Variants in ZNF609 observed in about 807,000 individuals in gnomAD.
ZNF609 encodes the protein zinc finger protein 609.
A neutral mutation model predicts 109.5 loss-of-function variants in ZNF609; 11 were observed. The ratio of observed to expected loss-of-function variants is 0.10; its 90% CI spans 0.06 to 0.17. The LOEUF is 0.17. Among genes scored for constraint, ZNF609 ranks in the 10% least tolerant of loss-of-function variants. ZNF609 has a pLI of 1.00. For synonymous variants in ZNF609, 646 were observed against 662.0 expected, an observed-to-expected ratio of 0.98 and a Z score of 0.37; for missense variants, 1,559 against 1,772.4, an observed-to-expected ratio of 0.88 and a Z score of 2.16.
At position 64,590,000 on chromosome 15, in the gene ZNF609, CATT is replaced by C. The variant is rs572941011; in HGVS notation, c.748-32823_748-32821del. On this transcript the variant is annotated intron_variant, in intron 2 of 9. Coordinates refer to ENST00000326648, the MANE Select transcript of ZNF609 (RefSeq NM_015042.2). ...ATACTTGTTGTGATTAAAGCTAAAA[CATT>C]ATTCAAGTTTGCTAGAAAGTTGAAG... Among the ~76,000 whole-genome samples the C allele has an allele frequency of 7.2e-5, 11 of 152,224 alleles. No individual in the cohort carries two copies. In the South Asian group the frequency reaches 2.3e-3, roughly 32 times the overall value.
At chr15:64,533,445 G>C (rs1894092128) in intron 2 of ZNF609, among the ~76,000 whole-genome samples, 1 of 152,160 alleles carries the variant, frequency 6.6e-6, no homozygotes. Flanking sequence ...AGCTTTTAGG[G>C]GAAGATTCTG....
At chr15:64,500,831 T>C (rs537292681) in intron 2 of ZNF609, 134 of 175,528 alleles carry the variant, frequency 7.6e-4, no homozygotes, top group Middle Eastern at 2.7e-3. Context: ...ATGCCAGGTA[T>C]CTCCCACAAC....
At chr15:64,579,409 CAA>C (rs772818773) in intron 2 of ZNF609, among the ~76,000 whole-genome samples, 65 of 79,804 alleles carry the variant, frequency 8.1e-4, no homozygotes, top group Admixed American at 1.0e-3. Flanking sequence ...GACCCTGTCT[CAA>C]AAAAAAAAAA....
intron 3 of ZNF609, among the ~76,000 whole-genome samples, chr15:64,660,858 TA>T (rs1896564971): frequency 1.3e-5 from 2 of 152,224 alleles, no homozygotes; most frequent in Non-Finnish European, 2.9e-5. Flanking sequence ...GAAGGCTTTT[TA>T]AAATTGCCCT....
intron 3 of ZNF609, among the ~76,000 whole-genome samples, chr15:64,642,459 A>T (rs549178903): frequency 6.6e-6 from 1 of 152,254 alleles, no homozygotes; most frequent in African/African-American, 2.4e-5. Context: ...TGCTGAGATT[A>T]CAGGTGTGAG....
rs147684764 is a variant in ZNF609 at position 64,487,893 on chromosome 15, C to G, written c.-127-11400C>G. 7.9e-3 allele frequency among the ~76,000 whole-genome samples: 1,208 copies of G among 152,260 alleles called. 17 individuals carry two copies. The highest frequency in any genetic ancestry group is 0.028 in the African/African-American group (1,153 of 41,546). The stretch of plus-strand genomic sequence containing the variant: ...TTGTGATCCACCCACCTTGGCCTCC[C>G]AAAGTGCTGGGATTACAGGCGTGAA... On this transcript the variant is annotated intron_variant, in intron 1 of 9. Coordinates refer to ENST00000326648, the MANE Select transcript of ZNF609 (RefSeq NM_015042.2).
intron 1 of ZNF609, among the ~76,000 whole-genome samples, chr15:64,497,172 A>G (rs931561277): frequency 1.3e-5 from 2 of 152,108 alleles, no homozygotes; most frequent in East Asian, 3.9e-4. Flanking sequence ...AACTTTTTTC[A>G]TAGTTTGTAC....
chr15:64,616,987 T>C (rs1895809956), intron 2 of ZNF609, among the ~76,000 whole-genome samples: 1 of 151,412 alleles, frequency 6.6e-6, no homozygotes, highest in African/African-American at 2.4e-5. Flanking sequence ...TTTTTATTTT[T>C]AGTAGAGATG....
chr15:64,628,606 C>T (rs1217796359), intron 3 of ZNF609, among the ~76,000 whole-genome samples: 3 of 152,006 alleles, frequency 2.0e-5, no homozygotes, highest in Admixed American at 1.3e-4. Context: ...AGAGAATATG[C>T]GGCTGTCTGT....
intron 3 of ZNF609, among the ~76,000 whole-genome samples, chr15:64,657,546 G>A (rs904262165): frequency 9.9e-5 from 15 of 152,126 alleles, no homozygotes; most frequent in African/African-American, 2.9e-4. Context: ...CCCCGTAGAC[G>A]GAGGTTGCAG....
chr15:64,547,050 A>G (rs908739840), intron 2 of ZNF609, among the ~76,000 whole-genome samples: 1 of 152,024 alleles, frequency 6.6e-6, no homozygotes, highest in Non-Finnish European at 1.5e-5. Context: ...TCGGCCTCCC[A>G]AAGTGCTGGG....
At chr15:64,463,678 C>T (rs1892974584) in intron 1 of ZNF609, among the ~76,000 whole-genome samples, 1 of 152,180 alleles carries the variant, frequency 6.6e-6, no homozygotes, top group Admixed American at 6.5e-5. Context: ...TGATGGCCTG[C>T]CACTGAGGTG....
intron 2 of ZNF609, chr15:64,529,506 T>C: frequency 8.8e-7 from 1 of 1,137,924 alleles, no homozygotes; most frequent in East Asian, 2.4e-5. Flanking sequence ...TGCCATGGAA[T>C]TTGCCATGTG....
intron 2 of ZNF609, chr15:64,528,945 C>T (rs1454605817): frequency 2.1e-5 from 28 of 1,326,304 alleles, no homozygotes; most frequent in South Asian, 1.2e-4. Context: ...AGGTCAGGTC[C>T]GCCACTGACA....
chr15:64,554,622 C>T (rs902433278), intron 2 of ZNF609, among the ~76,000 whole-genome samples: 1 of 151,982 alleles, frequency 6.6e-6, no homozygotes, highest in Non-Finnish European at 1.5e-5. Context: ...AGTGCCACTG[C>T]ATTCCAGACT....
chr15:64,598,766 A>G (rs1351177091), intron 2 of ZNF609, among the ~76,000 whole-genome samples: 62 of 126,974 alleles, frequency 4.9e-4, no homozygotes, highest in Admixed American at 7.7e-4. Context: ...ATATATATAT[A>G]TATATATATA....
intron 1 of ZNF609, among the ~76,000 whole-genome samples, chr15:64,489,026 C>G (rs141491150): frequency 5.3e-5 from 8 of 152,068 alleles, no homozygotes; most frequent in Non-Finnish European, 8.8e-5. Flanking sequence ...ATCCCTTGAA[C>G]CCAGGAGGTC....
intron 1 of ZNF609, among the ~76,000 whole-genome samples, chr15:64,479,811 C>G (rs1893226922): frequency 6.6e-6 from 1 of 151,858 alleles, no homozygotes; most frequent in African/African-American, 2.4e-5. Context: ...CCCAGCTACT[C>G]AGGAGGCTGA....
At chr15:64,489,738 G>A (rs1204302892) in intron 1 of ZNF609, among the ~76,000 whole-genome samples, 1 of 151,450 alleles carries the variant, frequency 6.6e-6, no homozygotes. Flanking sequence ...ATGTTGGCTA[G>A]GCTGGTCTTG....
Sources: allele counts gnomAD v4.1 joint callset (sites outside exome capture counted in the v4.1 genomes callset), GRCh38; gene constraint gnomAD v4.1.1; transcripts MANE v1.5; gene names NCBI Gene and HGNC (gene_info 2026-07-23, HGNC 2026-07-21).